Variants in ADAMDEC1 observed in about 807,000 individuals in gnomAD.
The protein encoded by ADAMDEC1 is ADAM DEC1.
In ADAMDEC1, 62 loss-of-function variants were observed where a neutral mutation model predicts 60.4. The ratio of observed to expected loss-of-function variants is 1.03; its 90% CI spans 0.84 to 1.27. The LOEUF is 1.27. Ranked by LOEUF, ADAMDEC1 falls within the 50% of genes most tolerant of loss-of-function variation. ADAMDEC1 has a pLI of 0.00. For synonymous variants in ADAMDEC1, 210 were observed against 195.1 expected, an observed-to-expected ratio of 1.08 and a Z score of -0.64; for missense variants, 595 against 565.0, an observed-to-expected ratio of 1.05 and a Z score of -0.54.
chr8:24,404,465 G>T (rs749817323), intron 13 of ADAMDEC1, among the ~76,000 whole-genome samples: 2 of 152,130 alleles, frequency 1.3e-5, no homozygotes, highest in Non-Finnish European at 2.9e-5. Context: ...GTTTTAATTT[G>T]CAAGGCTGTC....
intron 11 of ADAMDEC1, 106 bp from the exon 12 acceptor site, chr8:24,401,809 A>T: frequency 9.8e-7 from 1 of 1,018,568 alleles, no homozygotes; most frequent in Non-Finnish European, 1.4e-6. Context: ...GCTCGGTAAT[A>T]CAGTTAGATA....
rs376286647 is a variant in ADAMDEC1 at position 24,397,427 on chromosome 8, C to A, written c.598C>A (p.Arg200=). 16 of 1,613,796 alleles carry A rather than the reference C, an allele frequency of 9.9e-6. No homozygotes were observed. The highest frequency in any genetic ancestry group is 5.9e-6 in the Non-Finnish European group (7 of 1,179,914). Residue 200 remains arginine (R), a synonymous_variant, in exon 6 of 14, where the codon CGA becomes AGA. Coordinates refer to ENST00000256412, the MANE Select transcript of ADAMDEC1 (RefSeq NM_014479.3). Reference sequence around the variant, plus strand: ...CACTGACGGGAAACAAGGCCCAATTCGAATCTCTAGATCACTCAAAAGCCC... The same window carrying A: ...CACTGACGGGAAACAAGGCCCAATTAGAATCTCTAGATCACTCAAAAGCCC... ...KSTDGKQGPI[R]ISRSLKSPEK...
intron 10 of ADAMDEC1, 57 bp downstream of exon 10, chr8:24,399,531 A>AT: frequency 7.6e-7 from 1 of 1,313,992 alleles, no homozygotes; most frequent in Non-Finnish European, 1.1e-6. Context: ...GAAGGCCAGC[A>AT]TAACACCTTA....
intron 4 of ADAMDEC1, 144 bp from the exon 5 acceptor site, chr8:24,395,576 A>G: frequency 1.7e-6 from 1 of 588,914 alleles, no homozygotes; most frequent in African/African-American, 1.9e-5. Flanking sequence ...CACAGTCACT[A>G]CTTGAAGAAT....
chr8:24,388,161 G>T (rs1278463678), intron 1 of ADAMDEC1, among the ~76,000 whole-genome samples: 2 of 152,002 alleles, frequency 1.3e-5, no homozygotes, highest in African/African-American at 2.4e-5. Context: ...CTGCCTCAGG[G>T]TTATAGAATA....
At chr8:24,402,762 C>T (rs764062253) in intron 12 of ADAMDEC1, among the ~76,000 whole-genome samples, 5 of 152,088 alleles carry the variant, frequency 3.3e-5, no homozygotes, top group Non-Finnish European at 5.9e-5. Context: ...ATGAACATGG[C>T]GTCTAAACTC....
At chr8:24,392,418 A>C (rs761954804) in intron 2 of ADAMDEC1, 38 bp downstream of exon 2, 1 of 1,442,682 alleles carries the variant, frequency 6.9e-7, no homozygotes, top group African/African-American at 1.4e-5. Flanking sequence ...TGTTACAATC[A>C]TCCAAAGAGA....
chr8:24,391,059 C>T (rs7005127), intron 1 of ADAMDEC1, among the ~76,000 whole-genome samples: 3,540 of 152,246 alleles, frequency 0.023, 137 homozygotes, highest in African/African-American at 0.082. Context: ...ATCATTTACT[C>T]ATACATTTCT....
In ADAMDEC1 at chr8:24,384,447, C is replaced by A; in HGVS notation, c.-58C>A. 1 of 1,387,126 alleles carries A rather than the reference C, an allele frequency of 7.2e-7. No homozygotes were observed. The highest frequency in any genetic ancestry group is 9.8e-7 in the Non-Finnish European group (1 of 1,025,292). The allele number at this position is 1,387,126 out of a possible 1,614,324, so 85.9% of individuals were successfully genotyped here. A position where few individuals can be genotyped will look rare whatever the true frequency, so the allele number is the denominator to read the frequency against. ...AAGTGGGGGTTTTAATTTTCTTGTT[C>A]AACTTCTAAAGAGAAATTGGAGAAG... On this transcript the variant is annotated 5_prime_UTR_variant, in exon 1 of 14. Coordinates refer to ENST00000256412, the MANE Select transcript of ADAMDEC1 (RefSeq NM_014479.3).
chr8:24,404,187 A>T, intron 13 of ADAMDEC1, 99 bp downstream of exon 13: 3 of 990,118 alleles, frequency 3.0e-6, no homozygotes, highest in African/African-American at 1.6e-5. Flanking sequence ...CTAAAACACA[A>T]TGTATTTTAT....
chr8:24,392,201 C>A, intron 1 of ADAMDEC1, 61 bp from the exon 2 acceptor site: 1 of 1,295,988 alleles, frequency 7.7e-7, no homozygotes, highest in South Asian at 1.4e-5. Flanking sequence ...AAACAAAACA[C>A]AACACGACTA....
intron 1 of ADAMDEC1, among the ~76,000 whole-genome samples, chr8:24,385,545 T>A (rs962261040): frequency 2.0e-5 from 3 of 152,238 alleles, no homozygotes; most frequent in African/African-American, 7.2e-5. Flanking sequence ...TAGTCAACAC[T>A]TTGTAATTTG....
chr8:24,404,577 A>C (rs1817844098), intron 13 of ADAMDEC1, among the ~76,000 whole-genome samples: 1 of 152,192 alleles, frequency 6.6e-6, no homozygotes, highest in African/African-American at 2.4e-5. Context: ...TCTGTGTCTT[A>C]TACAATCCTA....
Position 24,397,446 on chromosome 8 carries a change from A to G in ADAMDEC1, c.617A>G (p.Lys206Arg), listed in dbSNP as rs757730016. ...CCAATTCGAATCTCTAGATCACTCA[A>G]AAGCCCAGAGGTGAATACAATTCCC... ...QGPIRISRSL[K>R]SPEKEDFLRA... The change falls in exon 6 of 14, where the codon AAA becomes AGA. Residue 206 changes from lysine to arginine, a missense_variant. Transcript: ENST00000256412. The G allele has an allele frequency of 4.3e-6, 7 of 1,613,744 alleles. No homozygotes were observed. The highest frequency in any genetic ancestry group is 3.3e-5 in the South Asian group (3 of 91,048).
At chr8:24,390,259 C>CATT in intron 1 of ADAMDEC1, 1 of 986,174 alleles carries the variant, frequency 1.0e-6, no homozygotes, top group Non-Finnish European at 1.3e-6. Context: ...AATACGTTTA[C>CATT]ATTATTTTTT....
chr8:24,395,899 T>C lies in ADAMDEC1; in HGVS notation c.440+103T>C, dbSNP rs1817597889. 11 of 843,730 alleles carry C rather than the reference T, an allele frequency of 1.3e-5. No homozygotes were observed. The South Asian group carries it at 1.5e-4, about 11-fold the overall frequency. 52.3% of individuals were successfully genotyped at this position (843,730 alleles called of 1,614,324 possible). Reference sequence around the variant, plus strand: ...TCTTACTATTTTGGTAAATTTTTCATTGCTGAAATGCTGAATATATGTGGT... The same window carrying C: ...TCTTACTATTTTGGTAAATTTTTCACTGCTGAAATGCTGAATATATGTGGT... On this transcript the variant is annotated intron_variant, in intron 5 of 13. Coordinates refer to ENST00000256412, the MANE Select transcript of ADAMDEC1 (RefSeq NM_014479.3).
intron 12 of ADAMDEC1, among the ~76,000 whole-genome samples, chr8:24,402,871 T>A (rs1817799659): frequency 6.6e-6 from 1 of 152,200 alleles, no homozygotes; most frequent in Non-Finnish European, 1.5e-5. Flanking sequence ...TATTGTAAAC[T>A]TTCTGTTAAT....
At chr8:24,384,859 A>G (rs1417002972) in intron 1 of ADAMDEC1, among the ~76,000 whole-genome samples, 1 of 152,166 alleles carries the variant, frequency 6.6e-6, no homozygotes, top group East Asian at 1.9e-4. Context: ...ATTTTAACAA[A>G]TTTTATGTTT....
At chr8:24,398,176 G>A (rs1159211666) in intron 7 of ADAMDEC1, among the ~76,000 whole-genome samples, 1 of 151,528 alleles carries the variant, frequency 6.6e-6, no homozygotes, top group Admixed American at 6.6e-5. Context: ...AGTAAATATT[G>A]TTTTGTAATC....
Sources: allele counts gnomAD v4.1 joint callset (sites outside exome capture counted in the v4.1 genomes callset), GRCh38; gene constraint gnomAD v4.1.1; transcripts MANE v1.5; gene names NCBI Gene and HGNC (gene_info 2026-07-23, HGNC 2026-07-21).